Variants in WDR89 observed in about 807,000 individuals in gnomAD.
WDR89 encodes WD repeat domain 89, also known as WD repeat-containing protein 89.
A neutral mutation model predicts 29.1 loss-of-function variants in WDR89; 17 were observed. The observed-to-expected ratio is 0.58, with a 90% CI of 0.40 to 0.88. WDR89 has a LOEUF of 0.88. Among genes scored for constraint, WDR89 ranks in the 40% least tolerant of loss-of-function variants. The probability of loss-of-function intolerance (pLI) is 0.00; values close to 1 mark genes in which losing one functional copy is unlikely to be tolerated. For missense variants in WDR89, 396 were observed against 456.3 expected (o/e 0.87, Z 1.20); for synonymous variants, 138 against 157.8 (o/e 0.87, Z 0.94).
At chr14:63,604,614 A>G (rs1363767051) in intron 2 of WDR89, among the ~76,000 whole-genome samples, 1 of 152,252 alleles carries the variant, frequency 6.6e-6, no homozygotes, top group Non-Finnish European at 1.5e-5. Context: ...TTAAGAATTT[A>G]GAATAATGGC....
chr14:63,601,624 A>G (rs1895068094), intron 2 of WDR89: 2 of 1,613,222 alleles, frequency 1.2e-6, no homozygotes, highest in Admixed American at 1.7e-5. Context: ...TCTCAAGGAA[A>G]AGTATTGCAA....
intron 1 of WDR89, among the ~76,000 whole-genome samples, chr14:63,631,933 G>A (rs917574725): frequency 5.3e-5 from 8 of 151,552 alleles, no homozygotes; most frequent in African/African-American, 7.3e-5. Flanking sequence ...CCAACCTGGC[G>A]AAAACCCGTC....
chr14:63,641,201 G>A (rs1026250744), intron 1 of WDR89: 1 of 152,022 alleles, frequency 6.6e-6, no homozygotes, highest in Non-Finnish European at 1.5e-5. Flanking sequence ...CATGGAAGCT[G>A]AATGCCACAA....
At chr14:63,611,194 G>A (rs900649597) in intron 2 of WDR89, among the ~76,000 whole-genome samples, 4 of 151,790 alleles carry the variant, frequency 2.6e-5, no homozygotes, top group Admixed American at 6.6e-5. Context: ...AAAATTAGCC[G>A]GGAGTGGTGG....
intron 2 of WDR89, among the ~76,000 whole-genome samples, chr14:63,615,924 TAAAA>T (rs113469632): frequency 1.5e-5 from 2 of 132,702 alleles, no homozygotes; most frequent in African/African-American, 5.6e-5. Context: ...ACCCTGTCTT[TAAAA>T]AAAAAAAAAA....
chr14:63,615,269 T>G (rs1210360961), intron 2 of WDR89, among the ~76,000 whole-genome samples: 2 of 152,234 alleles, frequency 1.3e-5, no homozygotes, highest in African/African-American at 4.8e-5. Flanking sequence ...ACTGCCTTTT[T>G]CCTTTCCAGA....
chr14:63,626,662 G>C (rs1210840936), intron 1 of WDR89, among the ~76,000 whole-genome samples: 7 of 104,364 alleles, frequency 6.7e-5, no homozygotes, highest in African/African-American at 1.8e-4. Context: ...CTGGGCTACA[G>C]AGTGAGACTG....
rs561355692 is a variant in WDR89 at position 63,599,043 on chromosome 14, A to G, written c.900T>C (p.Ile300=). ...HVIGGTNKGR[I]HLMNCSMSGL... is the part of the protein sequence containing the mutation. ...CTGACATGCTGCAGTTCATCAAATG[A>G]ATCCTTCCTTTGTTTGTTCCTCCAA... The change falls in exon 3 of 3, where the codon ATT becomes ATC. Residue 300 remains isoleucine, a synonymous_variant. Coordinates refer to ENST00000620954, the MANE Select transcript of WDR89 (RefSeq NM_080666.4). 52 of 1,614,218 alleles carry G rather than the reference A, an allele frequency of 3.2e-5. No homozygotes were observed. The South Asian group carries it at 5.3e-4, about 16-fold the overall frequency.
intron 1 of WDR89, among the ~76,000 whole-genome samples, chr14:63,625,456 T>C (rs1203350136): frequency 6.6e-6 from 1 of 152,206 alleles, no homozygotes; most frequent in Non-Finnish European, 1.5e-5. Flanking sequence ...ACTACATACT[T>C]ACAAAGTTTA....
chr14:63,620,244 T>TAC (rs1882608226), intron 2 of WDR89, among the ~76,000 whole-genome samples: 1 of 152,080 alleles, frequency 6.6e-6, no homozygotes, highest in African/African-American at 2.4e-5. Context: ...AATAGAATAC[T>TAC]ACCTCAGCCT....
At chr14:63,630,383 C>A (rs1057142507) in intron 1 of WDR89, among the ~76,000 whole-genome samples, 3 of 151,062 alleles carry the variant, frequency 2.0e-5, no homozygotes, top group African/African-American at 7.3e-5. Context: ...TAGCTCACGC[C>A]TGTAATCACA....
intron 1 of WDR89, among the ~76,000 whole-genome samples, chr14:63,638,179 AGG>A: frequency 6.6e-6 from 1 of 152,240 alleles, no homozygotes; most frequent in Middle Eastern, 3.4e-3. Flanking sequence ...TCCTGACCTC[AGG>A]TAATCCACCC....
At chr14:63,608,267 G>C (rs944691554) in intron 2 of WDR89, among the ~76,000 whole-genome samples, 1 of 151,988 alleles carries the variant, frequency 6.6e-6, no homozygotes, top group Non-Finnish European at 1.5e-5. Flanking sequence ...GCCTCTGGCT[G>C]GGCATGGTGA....
At position 63,598,713 on chromosome 14, in the gene WDR89, T is replaced by C. The variant is rs536983648; in HGVS notation, c.*66A>G. The stretch of plus-strand genomic sequence containing the variant: ...CATAAAGCTTTAAACATGTCTACCA[T>C]GGGTAGTAAACAAGAAGGACTATTT... On this transcript the variant is annotated 3_prime_UTR_variant, in exon 3 of 3. Coordinates refer to ENST00000620954, the MANE Select transcript of WDR89 (RefSeq NM_080666.4). 6 of 1,382,464 alleles carry C rather than the reference T, an allele frequency of 4.3e-6. No homozygotes were observed. In the South Asian group the frequency reaches 4.5e-5, roughly 10 times the overall value. The allele number at this position is 1,382,464 out of a possible 1,614,324, so 85.6% of individuals were successfully genotyped here.
rs1026747560 is a variant in WDR89, at chr14:63,609,585, T to G, written c.-31-9612A>C. ...GGGCGGATCACCTGAGCCTCAGGAG[T>G]TGGAGACCAGCCTGGCCAACATGGT... On this transcript the variant is annotated intron_variant, in intron 2 of 2. Coordinates refer to ENST00000620954, the MANE Select transcript of WDR89 (RefSeq NM_080666.4). Among the ~76,000 whole-genome samples, 6 of 151,674 alleles carry G rather than the reference T, an allele frequency of 4.0e-5. No individual in the cohort carries two copies. The East Asian group carries it at 7.8e-4, about 20-fold the overall frequency.
chr14:63,634,963 A>G (rs111951493), intron 1 of WDR89, among the ~76,000 whole-genome samples: 11,592 of 151,434 alleles, frequency 0.077, 801 homozygotes, highest in African/African-American at 0.18. Flanking sequence ...GCTTGAACCT[A>G]GAGGCAGAGG....
At chr14:63,610,381 C>T (rs1014027629) in intron 2 of WDR89, among the ~76,000 whole-genome samples, 1 of 151,556 alleles carries the variant, frequency 6.6e-6, no homozygotes, top group South Asian at 2.1e-4. Context: ...GTAGATATAC[C>T]CCCTGTAGAA....
At chr14:63,600,029 T>TA in intron 2 of WDR89, 56 bp from the exon 3 acceptor site, 1 of 1,075,106 alleles carries the variant, frequency 9.3e-7, no homozygotes, top group Non-Finnish European at 1.2e-6. Flanking sequence ...GGGAGACACA[T>TA]AAAAAAATTT....
chr14:63,623,197 C>CAAAAA (rs35075730), intron 2 of WDR89, among the ~76,000 whole-genome samples: 27 of 71,716 alleles, frequency 3.8e-4, no homozygotes, highest in African/African-American at 1.1e-3. Context: ...AACCAGGTCT[C>CAAAAA]AAAAAAAAAA....
Sources: gnomAD v4.1 joint callset for allele counts (sites outside exome capture counted in the v4.1 genomes callset) on GRCh38, gnomAD v4.1.1 for gene constraint, MANE v1.5 for transcripts, NCBI Gene and HGNC (gene_info 2026-07-23, HGNC 2026-07-21) for gene names.